Variants in SLC30A9 observed in about 807,000 individuals in gnomAD.
SLC30A9 encodes solute carrier family 30 member 9.
A neutral mutation model predicts 87.5 loss-of-function variants in SLC30A9; 58 were observed. That is an observed-to-expected ratio of 0.66 (90% CI 0.54 to 0.82). SLC30A9 has a LOEUF of 0.82. SLC30A9 is among the 40% of genes least tolerant of loss of function. The pLI, the probability that SLC30A9 is intolerant of heterozygous loss-of-function variation, is 0.00. For synonymous variants in SLC30A9, 234 were observed against 233.0 expected, an observed-to-expected ratio of 1.00 and a Z score of -0.04; for missense variants, 557 against 679.1, an observed-to-expected ratio of 0.82 and a Z score of 2.00.
chr4:42,030,012 A>T, intron 6 of SLC30A9: 1 of 875,276 alleles, frequency 1.1e-6, no homozygotes, highest in Non-Finnish European at 1.8e-6. Context: ...CACCAACCTT[A>T]CCATGGACAC....
chr4:42,070,991 G>T (rs1718289536), intron 15 of SLC30A9, among the ~76,000 whole-genome samples: 1 of 152,004 alleles, frequency 6.6e-6, no homozygotes. Context: ...ACTTAATATG[G>T]AACCTGTAGA....
At chr4:42,037,483 A>G (rs1243241652) in intron 7 of SLC30A9, among the ~76,000 whole-genome samples, 2 of 151,876 alleles carry the variant, frequency 1.3e-5, no homozygotes, top group East Asian at 3.9e-4. Context: ...ACTTCAGAGA[A>G]TTGGAAGTAC....
intron 17 of SLC30A9, among the ~76,000 whole-genome samples, chr4:42,084,081 A>G (rs1718832998): frequency 1.3e-5 from 2 of 152,214 alleles, no homozygotes; most frequent in African/African-American, 4.8e-5. Flanking sequence ...TTAAGCTAGG[A>G]ATCCTAACTG....
At chr4:42,039,710 C>T (rs956122573) in intron 8 of SLC30A9, among the ~76,000 whole-genome samples, 1 of 152,118 alleles carries the variant, frequency 6.6e-6, no homozygotes, top group Admixed American at 6.5e-5. Flanking sequence ...ATCTGCCCAC[C>T]TCGGCCTCCC....
chr4:42,054,280 C>T (rs1036262496), intron 9 of SLC30A9, among the ~76,000 whole-genome samples: 2 of 152,070 alleles, frequency 1.3e-5, no homozygotes, highest in African/African-American at 2.4e-5. Flanking sequence ...ATCACTTGAA[C>T]CCGGGAGGCA....
Position 42,060,174 on chromosome 4 carries a change from T to C in SLC30A9, c.841-17T>C. On this transcript the variant is annotated splice_polypyrimidine_tract_variant and intron_variant, in intron 9 of 17. Transcript: ENST00000264451. ...TCTTGCTAATGATTATTCACCTTTT[T>C]TTCTTCTTCTTCATAGGGTTTACTA... 3.1e-6 allele frequency: 5 copies of C among 1,601,412 alleles called. No homozygotes were observed. Among genetic ancestry groups the C allele is most frequent in the Non-Finnish European group, 3.4e-6 (4 of 1,169,534 alleles).
At chr4:42,033,909 A>G (rs755541275) in intron 6 of SLC30A9, among the ~76,000 whole-genome samples, 1 of 152,188 alleles carries the variant, frequency 6.6e-6, no homozygotes, top group Non-Finnish European at 1.5e-5. Flanking sequence ...TGTCATGAGG[A>G]CTATGCTATA....
chr4:42,020,677 G>A (rs1715911707), intron 4 of SLC30A9, 162 bp downstream of exon 4: 1 of 488,240 alleles, frequency 2.0e-6, no homozygotes, highest in Non-Finnish European at 3.6e-6. Context: ...GTTAAAAATT[G>A]TTAGCAAACT....
rs1717299634 is a variant in SLC30A9 at position 42,049,449 on chromosome 4, T to G, written c.810T>G (p.Ala270=). The G allele has an allele frequency of 1.9e-6, 3 of 1,605,458 alleles. No homozygotes were observed. The African/African-American group carries it at 4.0e-5, about 21-fold the overall frequency. ...YTGSASMFSE[A]IHSLSDTCNQ... Reference sequence around the variant, plus strand: ...GTTCAGCAAGTATGTTCTCAGAAGCTATACACTCATTATCTGATACTTGTA... The same window carrying G: ...GTTCAGCAAGTATGTTCTCAGAAGCGATACACTCATTATCTGATACTTGTA... Residue 270 remains alanine (A), a synonymous_variant, in exon 9 of 18, where the codon GCT becomes GCG. Coordinates refer to ENST00000264451, the MANE Select transcript of SLC30A9 (RefSeq NM_006345.4).
chr4:42,045,715 C>T (rs765770918), intron 8 of SLC30A9, among the ~76,000 whole-genome samples: 3 of 152,110 alleles, frequency 2.0e-5, no homozygotes, highest in African/African-American at 4.8e-5. Context: ...CTCCTCAACT[C>T]GTTTTATGAG....
At chr4:42,035,641 G>A (rs967195262) in intron 7 of SLC30A9, among the ~76,000 whole-genome samples, 2 of 151,936 alleles carry the variant, frequency 1.3e-5, no homozygotes, top group African/African-American at 4.8e-5. Flanking sequence ...GGGACCACAG[G>A]CATGCCACCA....
intron 16 of SLC30A9, 86 bp from the exon 17 acceptor site, chr4:42,078,126 T>A: frequency 4.7e-6 from 3 of 633,050 alleles, no homozygotes; most frequent in Non-Finnish European, 8.3e-6. Flanking sequence ...TGGCGTTTGT[T>A]ATAGGTTTGT....
chr4:42,077,973 T>G (rs1308385978), intron 16 of SLC30A9, among the ~76,000 whole-genome samples: 2 of 152,180 alleles, frequency 1.3e-5, no homozygotes, highest in African/African-American at 4.8e-5. Flanking sequence ...CTAACACTAT[T>G]TATTGACTAT....
intron 6 of SLC30A9, 137 bp from the exon 7 acceptor site, chr4:42,035,138 A>C: frequency 1.2e-6 from 1 of 821,430 alleles, no homozygotes; most frequent in East Asian, 3.0e-5. Flanking sequence ...TTACAAATCC[A>C]AATTTTTTAT....
chr4:41,998,462 C>CTTTTTTTTTTTTTTT (rs34295020), intron 1 of SLC30A9, among the ~76,000 whole-genome samples: 7 of 144,948 alleles, frequency 4.8e-5, no homozygotes, highest in Non-Finnish European at 4.6e-5. Context: ...TTCAGTAATT[C>CTTTTTTTTTTTTTTT]TTTTTTTTTG....
intron 15 of SLC30A9, among the ~76,000 whole-genome samples, chr4:42,073,775 A>G (rs994760157): frequency 1.3e-5 from 2 of 152,200 alleles, no homozygotes; most frequent in East Asian, 1.9e-4. Context: ...GAACAAGACA[A>G]AAGTCACAGG....
chr4:42,051,695 T>C (rs2153138705), intron 9 of SLC30A9, among the ~76,000 whole-genome samples: 1 of 152,210 alleles, frequency 6.6e-6, no homozygotes, highest in South Asian at 2.1e-4. Flanking sequence ...GAAAATATTC[T>C]TACTAAAGCC....
At chr4:42,061,860 A>G (rs1442130385) in intron 10 of SLC30A9, among the ~76,000 whole-genome samples, 1 of 151,174 alleles carries the variant, frequency 6.6e-6, no homozygotes, top group East Asian at 1.9e-4. Context: ...AGATCACGCC[A>G]TTGCACTCCA....
At chr4:42,072,971 GACCAGC>G (rs1718375252) in intron 15 of SLC30A9, among the ~76,000 whole-genome samples, 1 of 152,062 alleles carries the variant, frequency 6.6e-6, no homozygotes, top group Non-Finnish European at 1.5e-5. Flanking sequence ...TCACCACCAT[GACCAGC>G]TAATTTTTGT....
Sources: allele counts gnomAD v4.1 joint callset (sites outside exome capture counted in the v4.1 genomes callset), GRCh38; gene constraint gnomAD v4.1.1; transcripts MANE v1.5; gene names NCBI Gene and HGNC (gene_info 2026-07-23, HGNC 2026-07-21).